Variants in CLIC5 observed in about 807,000 individuals in gnomAD.
CLIC5 encodes the protein chloride intracellular channel protein 5.
CLIC5 carries 20 observed loss-of-function variants against 24.7 expected under a neutral mutation model. The ratio of observed to expected loss-of-function variants is 0.81; its 90% confidence interval spans 0.57 to 1.18. The LOEUF (loss-of-function observed/expected upper bound fraction) is 1.18, where lower values mean the gene tolerates loss of function less well. Among genes scored for constraint, CLIC5 ranks in the 50% most tolerant of loss-of-function variants. The pLI, the probability that CLIC5 is intolerant of heterozygous loss-of-function variation, is 0.00. For missense variants in CLIC5, 341 were observed against 326.1 expected (o/e 1.05, Z -0.35); for synonymous variants, 159 against 135.6 (o/e 1.17, Z -1.20).
the CLIC5 span, among the ~76,000 whole-genome samples, chr6:46,102,347 C>T: frequency 3.2e-4 from 48 of 152,176 alleles, no homozygotes; most frequent in Non-Finnish European, 5.6e-4. Context: ...CTCTGAGCAG[C>T]GTTCCTTCCT....
At chr6:46,072,893 TG>T (rs1762650883) in intron 1 of CLIC5, among the ~76,000 whole-genome samples, 1 of 152,204 alleles carries the variant, frequency 6.6e-6, no homozygotes, top group Admixed American at 6.5e-5. Flanking sequence ...CAAATATTTT[TG>T]CATAGGGTTC....
chr6:46,084,479 A>T (rs1213071412), upstream of CLIC5, among the ~76,000 whole-genome samples: 4 of 152,212 alleles, frequency 2.6e-5, no homozygotes, highest in Admixed American at 2.0e-4. Context: ...GTGGTGACAA[A>T]ATCTCTCAGC....
In CLIC5 at chr6:45,937,520, A is replaced by C. The variant is rs1200627155; in HGVS notation, c.406+4027T>G. On this transcript the variant is annotated intron_variant, in intron 4 of 5. Coordinates refer to ENST00000339561, the MANE Select transcript of CLIC5 (RefSeq NM_016929.5). ...GTGCAGCTAGAAGTGCTGGGATTCAAACCCAGGCCGGGAATTGCACATGTA... is the reference window on the plus strand; with the variant it reads ...GTGCAGCTAGAAGTGCTGGGATTCACACCCAGGCCGGGAATTGCACATGTA... 4 of 152,348 alleles carry C rather than the reference A, an allele frequency of 2.6e-5. 1 individual carries two copies. The highest frequency in any genetic ancestry group is 6.8e-3 in the Middle Eastern group (2 of 294). 9.4% of individuals were successfully genotyped at this position (152,348 alleles called of 1,614,324 possible). A position where few individuals can be genotyped will look rare whatever the true frequency, so the allele number is the denominator to read the frequency against.
the CLIC5 span, among the ~76,000 whole-genome samples, chr6:46,093,227 C>G: frequency 2.6e-5 from 4 of 152,156 alleles, no homozygotes; most frequent in African/African-American, 9.7e-5. Context: ...TCCACTTATA[C>G]CTGGTCCCGG....
chr6:46,017,016 G>T (rs1180297161), upstream of CLIC5, among the ~76,000 whole-genome samples: 2 of 152,156 alleles, frequency 1.3e-5, no homozygotes, highest in African/African-American at 4.8e-5. Flanking sequence ...AACATCTTTT[G>T]GTTGGATTCA....
At chr6:45,917,834 G>A (rs1278124557) in intron 4 of CLIC5, among the ~76,000 whole-genome samples, 3 of 152,182 alleles carry the variant, frequency 2.0e-5, no homozygotes, top group Non-Finnish European at 2.9e-5. Flanking sequence ...TAGGAACAAG[G>A]GGGATGTGAA....
At chr6:46,024,402 A>C (rs1767272562) in intron 1 of CLIC5, among the ~76,000 whole-genome samples, 1 of 152,170 alleles carries the variant, frequency 6.6e-6, no homozygotes. Flanking sequence ...CAATTCTAGG[A>C]CTTTTTCTCA....
chr6:45,978,872 C>A (rs1263761694), intron 1 of CLIC5, among the ~76,000 whole-genome samples: 1 of 151,930 alleles, frequency 6.6e-6, no homozygotes, highest in South Asian at 2.1e-4. Context: ...ATGGCTTGAA[C>A]CCAGGATGCG....
intron 5 of CLIC5, chr6:45,913,685 G>C: frequency 1.3e-6 from 1 of 778,548 alleles, no homozygotes; most frequent in Non-Finnish European, 1.7e-6. Flanking sequence ...TGCTGCAAAT[G>C]GTTAGTAAGT....
At chr6:46,021,584 C>A (rs371739555) in intron 1 of CLIC5, among the ~76,000 whole-genome samples, 8 of 152,114 alleles carry the variant, frequency 5.3e-5, no homozygotes, top group African/African-American at 2.4e-5. Context: ...ATTTATGCAA[C>A]GGTATATCAC....
the CLIC5 span, among the ~76,000 whole-genome samples, chr6:46,111,709 T>C: frequency 7.2e-5 from 11 of 152,330 alleles, no homozygotes; most frequent in East Asian, 1.9e-3. Context: ...AGTTTCAAAG[T>C]AAGGTGATAT....
intron 4 of CLIC5, among the ~76,000 whole-genome samples, chr6:45,934,073 T>G (rs969605716): frequency 2.6e-5 from 4 of 152,126 alleles, no homozygotes; most frequent in African/African-American, 9.7e-5. Flanking sequence ...TCTGGGAGGC[T>G]GGTTTGTTTT....
intron 4 of CLIC5, among the ~76,000 whole-genome samples, chr6:45,923,946 C>T (rs1332823974): frequency 1.3e-5 from 2 of 152,172 alleles, no homozygotes; most frequent in African/African-American, 2.4e-5. Flanking sequence ...GAGATCATAA[C>T]ATGGCATACC....
chr6:45,945,234 CA>C (rs1764252034), intron 3 of CLIC5, among the ~76,000 whole-genome samples: 1 of 152,164 alleles, frequency 6.6e-6, no homozygotes, highest in South Asian at 2.1e-4. Context: ...TTATTTTTTA[CA>C]ATAGCCCTAT....
intron 1 of CLIC5, among the ~76,000 whole-genome samples, chr6:46,066,206 G>A (rs569263075): frequency 6.6e-6 from 1 of 152,206 alleles, no homozygotes; most frequent in East Asian, 1.9e-4. Context: ...TTCAAAGCGG[G>A]GGCAGGGGGC....
At chr6:45,910,726 A>G (rs898941541) in intron 5 of CLIC5, among the ~76,000 whole-genome samples, 1 of 151,922 alleles carries the variant, frequency 6.6e-6, no homozygotes, top group African/African-American at 2.4e-5. Flanking sequence ...CTACTCTTCT[A>G]TTTACTATTT....
At chr6:45,938,706 T>C (rs1370568772) in intron 4 of CLIC5, among the ~76,000 whole-genome samples, 1 of 152,172 alleles carries the variant, frequency 6.6e-6, no homozygotes, top group African/African-American at 2.4e-5. Flanking sequence ...GACTTGGGAA[T>C]AGGAGAACTG....
chr6:45,884,302 C>T (rs544593662), intron 6 of CLIC5, among the ~76,000 whole-genome samples: 2 of 152,252 alleles, frequency 1.3e-5, no homozygotes, highest in East Asian at 3.9e-4. Context: ...GCCTTGTTTA[C>T]AGGTGTTTTT....
At chr6:46,109,355 G>C in the CLIC5 span, among the ~76,000 whole-genome samples, 2 of 151,830 alleles carry the variant, frequency 1.3e-5, no homozygotes, top group Non-Finnish European at 2.9e-5. Flanking sequence ...CATTGGACTA[G>C]ATTAAAAACT....
Sources: allele counts gnomAD v4.1 joint callset (sites outside exome capture counted in the v4.1 genomes callset), GRCh38; gene constraint gnomAD v4.1.1; transcripts MANE v1.5; gene names NCBI Gene and HGNC (gene_info 2026-07-23, HGNC 2026-07-21).